RAB5A: variants seen among roughly 807,000 people sequenced by gnomAD.
RAB5A encodes RAB5A, member RAS oncogene family.
Under a neutral mutation model 25.7 loss-of-function variants are expected in RAB5A, and 8 were observed. The ratio of observed to expected loss-of-function variants is 0.31; its 90% CI spans 0.18 to 0.56. The LOEUF (loss-of-function observed/expected upper bound fraction) is 0.56. Among genes scored for constraint, RAB5A ranks in the 20% least tolerant of loss-of-function variants. RAB5A has a pLI of 0.91. For missense variants in RAB5A, 192 were observed against 259.7 expected (o/e 0.74, Z 1.79); for synonymous variants, 98 against 89.8 (o/e 1.09, Z -0.52).
At position 19,976,124 on chromosome 3, in the gene RAB5A, G is replaced by T; in HGVS notation, c.393G>T (p.Ser131=). 6.2e-7 allele frequency: 1 copy of T among 1,612,218 alleles called. No homozygotes were observed. The highest frequency in any genetic ancestry group is 1.1e-5 in the South Asian group (1 of 90,728). ...QASPNIVIAL[S]GNKADLANKR... ...GTCCTAACATTGTAATAGCTTTATCGGGAAACAAGGCCGACCTAGCAAATA... is the reference window on the plus strand; with the variant it reads ...GTCCTAACATTGTAATAGCTTTATCTGGAAACAAGGCCGACCTAGCAAATA... The change falls in exon 4 of 6, where the codon TCG becomes TCT. Residue 131 remains serine, a synonymous_variant. Transcript: ENST00000273047.
At chr3:19,952,726 C>A (rs1238531462) in intron 2 of RAB5A, among the ~76,000 whole-genome samples, 1 of 151,972 alleles carries the variant, frequency 6.6e-6, no homozygotes, top group Non-Finnish European at 1.5e-5. Context: ...AATGTTAATA[C>A]ACAATATATT....
intron 2 of RAB5A, among the ~76,000 whole-genome samples, chr3:19,960,207 A>G (rs908890459): frequency 6.6e-6 from 1 of 152,234 alleles, no homozygotes; most frequent in African/African-American, 2.4e-5. Context: ...ATGATAGGAT[A>G]GTATCATTTG....
At chr3:19,948,120 A>G (rs1421633206) in intron 1 of RAB5A, among the ~76,000 whole-genome samples, 2 of 152,110 alleles carry the variant, frequency 1.3e-5, no homozygotes, top group East Asian at 1.9e-4. Flanking sequence ...GCGTTAAATA[A>G]ATTCAAGATA....
At chr3:19,960,958 G>A (rs1429754488) in intron 2 of RAB5A, among the ~76,000 whole-genome samples, 1 of 152,128 alleles carries the variant, frequency 6.6e-6, no homozygotes, top group East Asian at 1.9e-4. Flanking sequence ...GCTTTTCTCA[G>A]TCAAAAAACT....
intron 4 of RAB5A, among the ~76,000 whole-genome samples, chr3:19,976,800 CAT>C (rs1386302148): frequency 6.6e-6 from 1 of 152,216 alleles, no homozygotes; most frequent in Non-Finnish European, 1.5e-5. Flanking sequence ...CTCTTCTACT[CAT>C]GTGCAAATAT....
chr3:19,977,522 G>A (rs565750436), intron 4 of RAB5A, among the ~76,000 whole-genome samples: 46 of 152,278 alleles, frequency 3.0e-4, no homozygotes, highest in African/African-American at 1.1e-3. Flanking sequence ...GCATCATTAG[G>A]TATTAAGTTG....
chr3:19,976,690 TAAAA>T (rs1172767305), intron 4 of RAB5A, among the ~76,000 whole-genome samples: 1 of 151,940 alleles, frequency 6.6e-6, no homozygotes, highest in African/African-American at 2.4e-5. Flanking sequence ...CGTCTCAAAA[TAAAA>T]AAGAAAAACA....
intron 2 of RAB5A, among the ~76,000 whole-genome samples, chr3:19,951,702 T>TTTTTTTTTTTTTC (rs1553638057): frequency 2.6e-4 from 15 of 57,380 alleles, no homozygotes; most frequent in Non-Finnish European, 3.3e-4. Flanking sequence ...GCCAGGCAAG[T>TTTTTTTTTTTTTC]TTTTTTTTTT....
intron 2 of RAB5A, among the ~76,000 whole-genome samples, chr3:19,956,552 A>G (rs1696505649): frequency 6.6e-6 from 1 of 152,352 alleles, no homozygotes; most frequent in Non-Finnish European, 1.5e-5. Flanking sequence ...ATGGCCAACT[A>G]GTTGTTTTTA....
intron 1 of RAB5A, among the ~76,000 whole-genome samples, chr3:19,948,089 T>C (rs563274840): frequency 1.4e-3 from 209 of 152,200 alleles, no homozygotes; most frequent in Non-Finnish European, 1.9e-3. Flanking sequence ...TTGTTTTCTG[T>C]TTGGAAGGTA....
At chr3:19,957,945 T>G (rs1454702744) in intron 2 of RAB5A, among the ~76,000 whole-genome samples, 1 of 152,174 alleles carries the variant, frequency 6.6e-6, no homozygotes, top group Non-Finnish European at 1.5e-5. Flanking sequence ...AAAATTTAAA[T>G]CCAAATAACT....
At chr3:19,948,110 G>T (rs1432358069) in intron 1 of RAB5A, among the ~76,000 whole-genome samples, 1 of 152,194 alleles carries the variant, frequency 6.6e-6, no homozygotes, top group African/African-American at 2.4e-5. Flanking sequence ...GTGAACTACA[G>T]CGTTAAATAA....
At chr3:19,974,519 G>A (rs1314927965) in intron 2 of RAB5A, among the ~76,000 whole-genome samples, 2 of 152,014 alleles carry the variant, frequency 1.3e-5, no homozygotes, top group Non-Finnish European at 2.9e-5. Context: ...AATTCTTATG[G>A]CAGGGAATGA....
chr3:19,958,810 G>C (rs1410098837), intron 2 of RAB5A, among the ~76,000 whole-genome samples: 1 of 152,056 alleles, frequency 6.6e-6, no homozygotes, highest in Non-Finnish European at 1.5e-5. Flanking sequence ...ACTTCAACCT[G>C]GGTGACAGGG....
At chr3:19,973,676 A>G (rs1280736729) in intron 2 of RAB5A, among the ~76,000 whole-genome samples, 1 of 152,210 alleles carries the variant, frequency 6.6e-6, no homozygotes, top group Non-Finnish European at 1.5e-5. Flanking sequence ...TATATTTACA[A>G]TGTGATTAAT....
chr3:19,951,139 G>A, intron 2 of RAB5A, 78 bp downstream of exon 2: 1 of 1,495,998 alleles, frequency 6.7e-7, no homozygotes, highest in African/African-American at 1.4e-5. Context: ...CCAATTGTGT[G>A]ATTATGAATA....
At chr3:19,957,015 C>G (rs1038656602) in intron 2 of RAB5A, among the ~76,000 whole-genome samples, 1 of 149,730 alleles carries the variant, frequency 6.7e-6, no homozygotes, top group Non-Finnish European at 1.5e-5. Context: ...CATCAAAGCT[C>G]ACTGCAGCCT....
At chr3:19,982,835 A>C (rs760665175) in intron 5 of RAB5A, among the ~76,000 whole-genome samples, 10 of 152,060 alleles carry the variant, frequency 6.6e-5, no homozygotes, top group African/African-American at 9.7e-5. Flanking sequence ...GGAAGGAAAT[A>C]GTAGATATGA....
Position 19,975,765 on chromosome 3 carries a change from G to A in RAB5A, c.315+13G>A. ...TATCACAAATGAGGTAAGTATGGATGCATTCCACAGTAAAACTAATTTGAG... is the reference window on the plus strand; with the variant it reads ...TATCACAAATGAGGTAAGTATGGATACATTCCACAGTAAAACTAATTTGAG... On this transcript the variant is annotated intron_variant, in intron 3 of 5. Coordinates refer to ENST00000273047, the MANE Select transcript of RAB5A (RefSeq NM_004162.5). The A allele has an allele frequency of 6.3e-7, 1 of 1,592,632 alleles. No homozygotes were observed. The highest frequency in any genetic ancestry group is 8.5e-7 in the Non-Finnish European group (1 of 1,170,628).
Sources: allele counts gnomAD v4.1 joint callset (sites outside exome capture counted in the v4.1 genomes callset), GRCh38; gene constraint gnomAD v4.1.1; transcripts MANE v1.5; gene names NCBI Gene and HGNC (gene_info 2026-07-23, HGNC 2026-07-21).